Variants in IFT80 observed in about 807,000 individuals in gnomAD.
IFT80 encodes intraflagellar transport 80.
IFT80 carries 79 observed loss-of-function variants against 107.9 expected under a neutral mutation model. The ratio of observed to expected loss-of-function variants is 0.73; its 90% CI spans 0.61 to 0.88. IFT80 has a LOEUF of 0.88. Ranked by LOEUF, IFT80 falls within the 40% of genes least tolerant of loss-of-function variation. The pLI is 0.00. For synonymous variants in IFT80, 299 were observed against 300.9 expected (o/e 0.99, Z 0.07); for missense variants, 797 against 914.2 (o/e 0.87, Z 1.65).
At chr3:160,379,413 A>G (rs974036902) in intron 3 of IFT80, among the ~76,000 whole-genome samples, 1 of 152,214 alleles carries the variant, frequency 6.6e-6, no homozygotes, top group African/African-American at 2.4e-5. Flanking sequence ...ATAGCATTGC[A>G]TCAGTGTTAA....
At chr3:160,391,438 C>CG (rs1450561026) in intron 1 of IFT80, 6 of 152,122 alleles carry the variant, frequency 3.9e-5, no homozygotes, top group Non-Finnish European at 8.8e-5. Flanking sequence ...TTTGGGGGGC[C>CG]GAGGCAGGTG....
At chr3:160,267,242 A>G (rs1011310532) in intron 19 of IFT80, among the ~76,000 whole-genome samples, 1 of 152,198 alleles carries the variant, frequency 6.6e-6, no homozygotes, top group Non-Finnish European at 1.5e-5. Flanking sequence ...CAATAAGTAG[A>G]TAATGTTGGC....
chr3:160,289,437 T>G (rs556506713), intron 12 of IFT80, among the ~76,000 whole-genome samples: 4 of 152,324 alleles, frequency 2.6e-5, no homozygotes, highest in African/African-American at 9.6e-5. Context: ...CCTGCACATG[T>G]ACCCTGAACC....
chr3:160,355,740 T>C (rs560703351), intron 8 of IFT80, among the ~76,000 whole-genome samples: 2 of 152,300 alleles, frequency 1.3e-5, no homozygotes, highest in South Asian at 2.1e-4. Flanking sequence ...GGGCATAAAT[T>C]TTAATACTTT....
At chr3:160,397,322 A>T (rs1713854416) in intron 1 of IFT80, among the ~76,000 whole-genome samples, 1 of 152,200 alleles carries the variant, frequency 6.6e-6, no homozygotes, top group Non-Finnish European at 1.5e-5. Context: ...ATATTTACCA[A>T]GTCATTCCTT....
chr3:160,366,631 G>A (rs530679453), intron 5 of IFT80, among the ~76,000 whole-genome samples: 5 of 152,036 alleles, frequency 3.3e-5, no homozygotes, highest in African/African-American at 9.6e-5. Flanking sequence ...CTTGGGGCTT[G>A]GCTGCACATT....
Position 160,285,663 on chromosome 3 carries a change from A to C in IFT80, c.1380+141T>G, listed in dbSNP as rs1715035672. On this transcript the variant is annotated intron_variant, in intron 13 of 19. Coordinates refer to ENST00000326448, the MANE Select transcript of IFT80 (RefSeq NM_020800.3). ...GTCTTTAACTGTGACATCTTTAGGC[A>C]AAATAGTCAATGGAGAATGCACATT... The C allele has an allele frequency of 9.3e-6, 6 of 643,324 alleles. No homozygotes were observed. In the East Asian group the frequency reaches 1.7e-4, roughly 18 times the overall value. 39.9% of individuals were successfully genotyped at this position (643,324 alleles called of 1,614,324 possible).
intron 1 of IFT80, among the ~76,000 whole-genome samples, chr3:160,392,357 T>C (rs1197209673): frequency 2.0e-5 from 3 of 152,230 alleles, no homozygotes; most frequent in African/African-American, 7.2e-5. Flanking sequence ...ACTAATTTCA[T>C]ATTTCTGGTT....
At chr3:160,346,102 C>G (rs1032486122) in intron 8 of IFT80, among the ~76,000 whole-genome samples, 3 of 151,908 alleles carry the variant, frequency 2.0e-5, no homozygotes, top group African/African-American at 7.3e-5. Context: ...CAGTGGTTAC[C>G]AGGTGGTGCG....
chr3:160,392,188 G>C (rs906252852), intron 1 of IFT80, among the ~76,000 whole-genome samples: 8 of 152,184 alleles, frequency 5.3e-5, no homozygotes, highest in African/African-American at 1.7e-4. Flanking sequence ...CAGAGAATTA[G>C]AGGGAATAAC....
At chr3:160,311,775 G>C (rs557011848) in intron 9 of IFT80, among the ~76,000 whole-genome samples, 1 of 152,032 alleles carries the variant, frequency 6.6e-6, no homozygotes, top group African/African-American at 2.4e-5. Context: ...GTCAGGTGTT[G>C]TTTTTTGTTT....
intron 8 of IFT80, among the ~76,000 whole-genome samples, chr3:160,355,655 A>T (rs982535541): frequency 6.6e-6 from 1 of 152,244 alleles, no homozygotes; most frequent in African/African-American, 2.4e-5. Context: ...GCAAAAAAAA[A>T]ATAAAAGTTT....
intron 18 of IFT80, among the ~76,000 whole-genome samples, chr3:160,271,148 T>C (rs1469628303): frequency 6.6e-6 from 1 of 152,176 alleles, no homozygotes; most frequent in East Asian, 1.9e-4. Context: ...ATATGTGCTA[T>C]TTTAAATGTT....
intron 2 of IFT80, chr3:160,383,744 T>C (rs1712704867): frequency 1.0e-6 from 1 of 985,242 alleles, no homozygotes; most frequent in African/African-American, 1.7e-5. Context: ...CCTTGACACA[T>C]AACTGGGGAC....
At chr3:160,375,003 C>A (rs1173262047) in intron 5 of IFT80, among the ~76,000 whole-genome samples, 3 of 152,032 alleles carry the variant, frequency 2.0e-5, no homozygotes, top group Non-Finnish European at 4.4e-5. Flanking sequence ...GTGATTTGAA[C>A]CTTATCCTAA....
At chr3:160,269,464 T>C (rs934735177) in intron 18 of IFT80, among the ~76,000 whole-genome samples, 21 of 152,286 alleles carry the variant, frequency 1.4e-4, no homozygotes, top group Admixed American at 3.9e-4. Context: ...TCAGGAAAAG[T>C]TGACAGTCAT....
At position 160,366,034 on chromosome 3, in the gene IFT80, G is replaced by C; in HGVS notation, c.549+9C>G. The C allele has an allele frequency of 6.2e-7, 1 of 1,602,254 alleles. No individual in the cohort carries two copies. Among genetic ancestry groups the C allele is most frequent in the South Asian group, 1.1e-5 (1 of 90,832 alleles). On this transcript the variant is annotated intron_variant, in intron 6 of 19. Coordinates refer to ENST00000326448, the MANE Select transcript of IFT80 (RefSeq NM_020800.3). ...CCCTGATAACAATTTACAAATGACTGAGAAGTACCTGCAAAACTTTAGCAT... is the reference window on the plus strand; with the variant it reads ...CCCTGATAACAATTTACAAATGACTCAGAAGTACCTGCAAAACTTTAGCAT...
At chr3:160,262,620 C>G (rs1291801881) in intron 19 of IFT80, among the ~76,000 whole-genome samples, 1 of 152,158 alleles carries the variant, frequency 6.6e-6, no homozygotes, top group Non-Finnish European at 1.5e-5. Flanking sequence ...CTACCACGCC[C>G]AGCCACGGAG....
intron 8 of IFT80, among the ~76,000 whole-genome samples, chr3:160,326,535 A>G (rs1393576654): frequency 6.6e-6 from 1 of 152,208 alleles, no homozygotes; most frequent in Non-Finnish European, 1.5e-5. Context: ...TGAATCAATA[A>G]ATGTGATTCA....
Sources: allele counts gnomAD v4.1 joint callset (sites outside exome capture counted in the v4.1 genomes callset), GRCh38; gene constraint gnomAD v4.1.1; transcripts MANE v1.5; gene names NCBI Gene and HGNC (gene_info 2026-07-23, HGNC 2026-07-21).